The following TIAM1 variants were observed in gnomAD, a reference collection of about 807,000 sequenced individuals.
The protein encoded by TIAM1 is rho guanine nucleotide exchange factor TIAM1.
TIAM1 carries 65 observed loss-of-function variants against 163.5 expected under a neutral mutation model. The ratio of observed to expected loss-of-function variants is 0.40; its 90% CI spans 0.33 to 0.49. The LOEUF is 0.49. Among genes scored for constraint, TIAM1 ranks in the 20% least tolerant of loss-of-function variants. The probability of loss-of-function intolerance (pLI) is 0.77; values close to 1 mark genes in which losing one functional copy is unlikely to be tolerated. For synonymous variants in TIAM1, 833 were observed against 810.1 expected (o/e 1.03, Z -0.48); for missense variants, 1,789 against 2,044.7 (o/e 0.87, Z 2.41).
At chr21:31,288,543 C>G (rs574149576) in intron 2 of TIAM1, among the ~76,000 whole-genome samples, 9 of 152,238 alleles carry the variant, frequency 5.9e-5, no homozygotes, top group Admixed American at 3.9e-4. Flanking sequence ...GACCTAATCA[C>G]GTCCTAAAGG....
At chr21:31,211,066 C>T (rs1410460039) in intron 10 of TIAM1, among the ~76,000 whole-genome samples, 2 of 152,090 alleles carry the variant, frequency 1.3e-5, no homozygotes, top group African/African-American at 2.4e-5. Flanking sequence ...AGAGACAATT[C>T]AGTTTTCTGG....
Position 31,225,969 on chromosome 21 carries a change from G to T in TIAM1, c.1585-19C>A. ...TAGTGGTCTGTACCAGGAAGAAGGG[G>T]CAGGAAGAAAAAGGCACCTCTTAGG... On this transcript the variant is annotated intron_variant, in intron 6 of 27. Transcript: ENST00000541036. The T allele has an allele frequency of 6.2e-7, 1 of 1,607,246 alleles. No individual in the cohort carries two copies. Among genetic ancestry groups the T allele is most frequent in the Non-Finnish European group, 8.5e-7 (1 of 1,175,702 alleles).
At chr21:31,292,559 G>A (rs763464443) in intron 2 of TIAM1, among the ~76,000 whole-genome samples, 1 of 151,548 alleles carries the variant, frequency 6.6e-6, no homozygotes, top group African/African-American at 2.4e-5. Context: ...TAGTAGAGAC[G>A]GAGTTTCACT....
intron 1 of TIAM1, among the ~76,000 whole-genome samples, chr21:31,496,977 A>G (rs550187374): frequency 1.6e-4 from 25 of 152,322 alleles, no homozygotes; most frequent in African/African-American, 5.5e-4. Context: ...GCAGTTCACA[A>G]TAAGAGTTCG....
intron 1 of TIAM1, among the ~76,000 whole-genome samples, chr21:31,523,483 C>A (rs916046550): frequency 1.6e-4 from 24 of 152,326 alleles, no homozygotes; most frequent in African/African-American, 5.5e-4. Context: ...TAGTTCAGGG[C>A]AGCAGCATGA....
At chr21:31,546,046 A>G (rs535859027) in intron 1 of TIAM1, among the ~76,000 whole-genome samples, 2 of 148,764 alleles carry the variant, frequency 1.3e-5, no homozygotes, top group Non-Finnish European at 3.0e-5. Context: ...TTATACAGGA[A>G]GAGAAAAAAA....
rs537183145 is a variant in TIAM1 at position 31,426,725 on chromosome 21, G to GT, written c.-369+37257dup. Among the ~76,000 whole-genome samples the GT allele has an allele frequency of 2.0e-4, 31 of 152,112 alleles. No individual in the cohort carries two copies. In the East Asian group the frequency reaches 5.4e-3, roughly 27 times the overall value. The stretch of plus-strand genomic sequence containing the variant: ...AACTTTGGTTTTCATGAAGTCTGGG[G>GT]TTTCATGCCAGTTCTTAGTGAAAAT... On this transcript the variant is annotated intron_variant, in intron 2 of 28. Transcript: ENST00000286827.
At chr21:31,428,686 C>T (rs1409541457) in intron 2 of TIAM1, among the ~76,000 whole-genome samples, 6 of 151,926 alleles carry the variant, frequency 3.9e-5, no homozygotes, top group Non-Finnish European at 8.8e-5. Flanking sequence ...AGTTCGAGAC[C>T]AGCCTGGGAA....
chr21:31,433,099 C>G (rs1285193824), intron 2 of TIAM1, among the ~76,000 whole-genome samples: 5 of 152,082 alleles, frequency 3.3e-5, no homozygotes, highest in African/African-American at 1.2e-4. Context: ...CATTTCATTT[C>G]CAAAACAACA....
At chr21:31,151,976 C>T in intron 19 of TIAM1, among the ~76,000 whole-genome samples, 1 of 150,542 alleles carries the variant, frequency 6.6e-6, no homozygotes, top group East Asian at 1.9e-4. Flanking sequence ...GCAAAGTTTC[C>T]CAGAACACGA....
chr21:31,269,390 C>A (rs1226640223), intron 3 of TIAM1, among the ~76,000 whole-genome samples: 1 of 152,228 alleles, frequency 6.6e-6, no homozygotes, highest in Non-Finnish European at 1.5e-5. Flanking sequence ...GAGAAACTCT[C>A]AGGGGATGGC....
chr21:31,170,261 G>A (rs2084439071), intron 15 of TIAM1, among the ~76,000 whole-genome samples: 1 of 152,162 alleles, frequency 6.6e-6, no homozygotes, highest in African/African-American at 2.4e-5. Flanking sequence ...AGACACAATC[G>A]ATTAGTCAGG....
At chr21:31,292,433 G>A (rs1474235020) in intron 2 of TIAM1, among the ~76,000 whole-genome samples, 4 of 150,018 alleles carry the variant, frequency 2.7e-5, no homozygotes, top group African/African-American at 4.9e-5. Context: ...GCAGTGATGC[G>A]ATCTCGGCTC....
Position 31,245,626 on chromosome 21 carries a change from C to T in TIAM1, c.1446G>A (p.Arg482=). 6.3e-7 allele frequency: 1 copy of T among 1,590,744 alleles called. No homozygotes were observed. The highest frequency in any genetic ancestry group is 8.6e-7 in the Non-Finnish European group (1 of 1,168,582). The change falls in exon 6 of 28, where the codon AGG becomes AGA. Residue 482 remains arginine (R), a synonymous_variant. Coordinates refer to ENST00000541036, the MANE Select transcript of TIAM1 (RefSeq NM_001353694.2). ...CTLFFYESDG[R]SGIDHNSIPK... The stretch of plus-strand genomic sequence containing the variant: ...GGATGCTGTTGTGGTCTATCCCAGA[C>T]CTGCCGTCGCTCTCGTAGAAAAATA...
intron 4 of TIAM1, among the ~76,000 whole-genome samples, chr21:31,258,096 CCTGT>C (rs942896727): frequency 2.0e-5 from 3 of 151,894 alleles, no homozygotes; most frequent in Non-Finnish European, 2.9e-5. Flanking sequence ...CTCAACATGC[CCTGT>C]CTTTCTTCCA....
intron 6 of TIAM1, among the ~76,000 whole-genome samples, chr21:31,230,861 T>C (rs965711332): frequency 2.6e-5 from 4 of 151,672 alleles, no homozygotes; most frequent in African/African-American, 9.7e-5. Flanking sequence ...TAGAGAGGGG[T>C]TTCACCGTGT....
intron 1 of TIAM1, among the ~76,000 whole-genome samples, chr21:31,505,628 T>TTAA (rs2046998218): frequency 6.6e-6 from 1 of 152,152 alleles, no homozygotes; most frequent in Non-Finnish European, 1.5e-5. Flanking sequence ...GGATCAGCAT[T>TTAA]ACCGTCTTAG....
Position 31,496,863 on chromosome 21 carries a change from G to C in TIAM1, c.-421-32828C>G, listed in dbSNP as rs11702305. ...GCACAATTTTTCCATGGACTGGGGT[G>C]GGGGGTCGGGGAGGATGGTTTCAGA... On this transcript the variant is annotated intron_variant, in intron 1 of 28. Transcript: ENST00000286827. Among the ~76,000 whole-genome samples, 3 of 152,102 alleles carry C rather than the reference G, an allele frequency of 2.0e-5. No individual in the cohort carries two copies. The South Asian group carries it at 6.3e-4, about 32-fold the overall frequency.
intron 2 of TIAM1, among the ~76,000 whole-genome samples, chr21:31,398,835 G>A (rs998963551): frequency 2.0e-5 from 3 of 152,200 alleles, no homozygotes; most frequent in African/African-American, 2.4e-5. Flanking sequence ...AAATGTAAAC[G>A]TCAGCATCTC....
Sources: allele counts gnomAD v4.1 joint callset (sites outside exome capture counted in the v4.1 genomes callset), GRCh38; gene constraint gnomAD v4.1.1; transcripts MANE v1.5; gene names NCBI Gene and HGNC (gene_info 2026-07-23, HGNC 2026-07-21).